The following EPHA5 variants were observed in gnomAD, a reference collection of about 807,000 sequenced individuals.
EPHA5 encodes EPH receptor A5.
In EPHA5, 60 loss-of-function variants were observed where a neutral mutation model predicts 105.0. The ratio of observed to expected loss-of-function variants is 0.57; its 90% CI spans 0.46 to 0.71. The LOEUF is 0.71. Ranked by LOEUF, EPHA5 falls within the 30% of genes least tolerant of loss-of-function variation. The probability of loss-of-function intolerance (pLI) is 0.00; values close to 1 mark genes in which losing one functional copy is unlikely to be tolerated. For synonymous variants in EPHA5, 513 were observed against 449.1 expected (o/e 1.14, Z -1.80); for missense variants, 1,218 against 1,274.7 (o/e 0.96, Z 0.68).
At chr4:65,494,449 G>T (rs1731721021) in intron 4 of EPHA5, among the ~76,000 whole-genome samples, 1 of 152,184 alleles carries the variant, frequency 6.6e-6, no homozygotes, top group South Asian at 2.1e-4. Flanking sequence ...AATATGAGGA[G>T]AGAGGGATTC....
At chr4:65,456,349 A>G (rs1186482743) in intron 5 of EPHA5, among the ~76,000 whole-genome samples, 2 of 151,648 alleles carry the variant, frequency 1.3e-5, no homozygotes, top group Non-Finnish European at 2.9e-5. Context: ...ACAGGAGTGG[A>G]AGAAAAGGAA....
intron 5 of EPHA5, among the ~76,000 whole-genome samples, chr4:65,445,862 A>G (rs547180859): frequency 2.6e-5 from 4 of 152,186 alleles, no homozygotes; most frequent in Non-Finnish European, 5.9e-5. Context: ...TAGTTCAAGG[A>G]ATAGAAATAT....
chr4:65,615,206 A>G (rs993687201), intron 2 of EPHA5, among the ~76,000 whole-genome samples: 1 of 151,798 alleles, frequency 6.6e-6, no homozygotes, highest in East Asian at 1.9e-4. Flanking sequence ...AAGTCTCAAA[A>G]GAAGGAGTAA....
chr4:65,604,789 G>A (rs533781765), intron 2 of EPHA5, among the ~76,000 whole-genome samples: 2 of 151,570 alleles, frequency 1.3e-5, no homozygotes, highest in Non-Finnish European at 2.9e-5. Context: ...TTTAGAATGT[G>A]GCAGACGTAT....
At chr4:65,584,802 T>G (rs11131601) in intron 3 of EPHA5, among the ~76,000 whole-genome samples, 76,676 of 151,752 alleles carry the variant, frequency 0.51, 20,559 homozygotes, top group Middle Eastern at 0.66. Context: ...TTAATCAAAA[T>G]AACTTATGAA....
chr4:65,497,946 C>T (rs1295102856), intron 3 of EPHA5, among the ~76,000 whole-genome samples: 1 of 151,638 alleles, frequency 6.6e-6, no homozygotes, highest in Non-Finnish European at 1.5e-5. Flanking sequence ...AAAGGTAGTC[C>T]ATAAATATTA....
intron 2 of EPHA5, among the ~76,000 whole-genome samples, chr4:65,611,304 T>A (rs1215856464): frequency 6.6e-6 from 1 of 152,066 alleles, no homozygotes; most frequent in African/African-American, 2.4e-5. Flanking sequence ...AAAAGTAACA[T>A]AATTGGTACT....
chr4:65,439,907 T>G (rs1725851240), intron 5 of EPHA5, among the ~76,000 whole-genome samples: 1 of 152,132 alleles, frequency 6.6e-6, no homozygotes, highest in Non-Finnish European at 1.5e-5. Context: ...TTGTTTGCAT[T>G]ATGAAAGATT....
intron 3 of EPHA5, among the ~76,000 whole-genome samples, chr4:65,519,851 C>A (rs764694574): frequency 6.6e-6 from 1 of 152,112 alleles, no homozygotes; most frequent in Non-Finnish European, 1.5e-5. Flanking sequence ...AGGAGAACTA[C>A]AAACCACTGC....
At chr4:65,543,486 G>C (rs565805141) in intron 3 of EPHA5, among the ~76,000 whole-genome samples, 2 of 151,966 alleles carry the variant, frequency 1.3e-5, no homozygotes, top group South Asian at 4.2e-4. Context: ...GCTATAAATA[G>C]AATAAAATAC....
At position 65,519,009 on chromosome 4, in the gene EPHA5, C is replaced by CA. The variant is rs1560637359; in HGVS notation, c.911-23467_911-23466insT. ...ATACCAAAGCCTGGCAGAGACACAA[C>CA]CAAAAAAGAGAATTTTAGACCAATA... On this transcript the variant is annotated intron_variant, in intron 3 of 16. Coordinates refer to ENST00000613740, the MANE Select transcript of EPHA5 (RefSeq NM_001281766.3). 5.9e-5 allele frequency among the ~76,000 whole-genome samples: 9 copies of CA among 151,906 alleles called. No individual in the cohort carries two copies. In the South Asian group the frequency reaches 6.2e-4, roughly 11 times the overall value.
At chr4:65,662,277 T>C (rs1749619844) in intron 1 of EPHA5, among the ~76,000 whole-genome samples, 1 of 152,180 alleles carries the variant, frequency 6.6e-6, no homozygotes, top group Non-Finnish European at 1.5e-5. Context: ...TGTTTCCAAG[T>C]AGGAACATGT....
intron 8 of EPHA5, among the ~76,000 whole-genome samples, chr4:65,376,762 T>A (rs1719046178): frequency 6.6e-6 from 1 of 151,972 alleles, no homozygotes; most frequent in East Asian, 1.9e-4. Context: ...CTAGTTTAAA[T>A]CAGGACCACA....
intron 3 of EPHA5, among the ~76,000 whole-genome samples, chr4:65,524,492 T>C (rs1417784600): frequency 1.3e-5 from 2 of 151,770 alleles, no homozygotes; most frequent in Non-Finnish European, 3.0e-5. Context: ...GTTTTCTCTC[T>C]CCAAACTATA....
chr4:65,511,289 A>C (rs941952083), intron 3 of EPHA5, among the ~76,000 whole-genome samples: 11 of 152,180 alleles, frequency 7.2e-5, no homozygotes, highest in Non-Finnish European at 1.5e-4. Flanking sequence ...GTCTTTAAAA[A>C]ATTATCTTTA....
intron 16 of EPHA5, among the ~76,000 whole-genome samples, chr4:65,325,727 G>C (rs555255129): frequency 4.0e-4 from 60 of 151,316 alleles, no homozygotes; most frequent in African/African-American, 1.3e-3. Context: ...AGGAATATAA[G>C]AGACATGAGT....
In EPHA5 at chr4:65,365,161, C is replaced by T. The variant is rs2148889006; in HGVS notation, c.2029G>A (p.Gly677Arg). 2 of 1,611,122 alleles carry T rather than the reference C, an allele frequency of 1.2e-6. No individual in the cohort carries two copies. Among genetic ancestry groups the T allele is most frequent in the Non-Finnish European group, 8.5e-7 (1 of 1,178,110 alleles). Reference sequence around the variant, plus strand: ...ATAGCCACAGGTAATTCTCTTTTTCCTGGTAGTTTCAAACGTCCACTACAA... The same window carrying T: ...ATAGCCACAGGTAATTCTCTTTTTCTTGGTAGTTTCAAACGTCCACTACAA... ...EVCSGRLKLPGKRELPVAIKT... is the reference protein window; with the variant it reads ...EVCSGRLKLPRKRELPVAIKT... The change falls in exon 11 of 17, where the codon GGA becomes AGA. Residue 677 changes from glycine (G) to arginine (R), a missense_variant. This residue lies in a region of EPHA5 where 971 missense variants were observed against 1,013.5 expected (regional missense o/e 0.96). Transcript: ENST00000613740.
intron 5 of EPHA5, among the ~76,000 whole-genome samples, chr4:65,473,616 T>G (rs1729503402): frequency 6.6e-6 from 1 of 152,104 alleles, no homozygotes; most frequent in Non-Finnish European, 1.5e-5. Flanking sequence ...TGGGGGAAAC[T>G]GGCCCCATGA....
chr4:65,563,292 C>T (rs1047502062), intron 3 of EPHA5, among the ~76,000 whole-genome samples: 1 of 151,988 alleles, frequency 6.6e-6, no homozygotes, highest in Non-Finnish European at 1.5e-5. Context: ...AAACTGATCA[C>T]TTATTAGATA....
Sources: allele counts gnomAD v4.1 joint callset (sites outside exome capture counted in the v4.1 genomes callset), GRCh38; gene constraint gnomAD v4.1.1; regional missense constraint gnomAD v4.1.1; transcripts MANE v1.5; gene names NCBI Gene and HGNC (gene_info 2026-07-23, HGNC 2026-07-21).